The following ZNF816 variants were observed in gnomAD, a reference collection of about 807,000 sequenced individuals.
The protein encoded by ZNF816 is zinc finger protein 816A.
ZNF816 carries 11 observed loss-of-function variants against 8.3 expected under a neutral mutation model. The observed-to-expected ratio is 1.32, with a 90% CI of 0.83 to 2.19. The LOEUF is 2.19. Among genes scored for constraint, ZNF816 ranks in the 30% most tolerant of loss-of-function variants. The pLI, the probability that ZNF816 is intolerant of heterozygous loss-of-function variation, is 0.00. For synonymous variants in ZNF816, 255 were observed against 254.5 expected (o/e 1.00, Z -0.02); for missense variants, 710 against 779.3 (o/e 0.91, Z 1.06).
At chr19:52,953,489 T>C (rs1477106450) in intron 2 of ZNF816, 1 of 123,996 alleles carries the variant, frequency 8.1e-6, no homozygotes, top group Non-Finnish European at 1.6e-5. Context: ...ATATATAATA[T>C]ATATTTTAAT....
At chr19:52,959,625 A>C (rs1427819490) in intron 1 of ZNF816, among the ~76,000 whole-genome samples, 1 of 152,232 alleles carries the variant, frequency 6.6e-6, no homozygotes, top group Non-Finnish European at 1.5e-5. Context: ...GGTAAGACTG[A>C]AAATATTTAC....
At position 52,951,034 on chromosome 19, in the gene ZNF816, G is replaced by A. The variant is rs779969115; in HGVS notation, c.741C>T (p.His247=). 3.7e-6 allele frequency: 6 copies of A among 1,613,914 alleles called. No homozygotes were observed. Among genetic ancestry groups the A allele is most frequent in the Admixed American group, 1.7e-5 (1 of 60,006 alleles). The change falls in exon 4 of 4, where the codon CAC becomes CAT. Residue 247 remains histidine, a synonymous_variant. Transcript: ENST00000444460. Reference sequence around the variant, plus strand: ...CTCTCTCTCTTGAATGGGTTATGTGGTGTCTCCTTAAGAGTGAGCTATAAT... The same window carrying A: ...CTCTCTCTCTTGAATGGGTTATGTGATGTCTCCTTAAGAGTGAGCTATAAT... The part of the protein sequence containing the change: ...AFNYSSLLRR[H]HITHSREREY...
At position 52,962,819 on chromosome 19, in the gene ZNF816, C is replaced by G. The variant is rs1436866999; in HGVS notation, c.-108G>C. On this transcript the variant is annotated 5_prime_UTR_variant, in exon 1 of 4. Transcript: ENST00000444460. ...ACGTCCCCTATATAGCAGCACCAGA[C>G]AACTAGGAAACGCACACGCCGCCGT... is the stretch of plus-strand genomic sequence containing the variant. The G allele has an allele frequency of 6.5e-6, 1 of 152,816 alleles. No individual in the cohort carries two copies. Among genetic ancestry groups the G allele is most frequent in the Non-Finnish European group, 1.5e-5 (1 of 68,566 alleles). The allele number at this position is 152,816 out of a possible 1,614,324, so 9.5% of individuals were successfully genotyped here.
Position 52,950,157 on chromosome 19 carries a change from T to C in ZNF816, c.1618A>G (p.Lys540Glu), listed in dbSNP as rs752748495. The C allele has an allele frequency of 3.7e-6, 6 of 1,614,080 alleles. No individual in the cohort carries two copies. In the South Asian group the frequency reaches 6.6e-5, roughly 18 times the overall value. The change falls in exon 4 of 4, where the codon AAG (lysine) becomes GAG (glutamate). Residue 540 changes from lysine to glutamate, a missense_variant. Physicochemically the swap from Lys to Glu is moderately conservative, Grantham distance 56. Coordinates refer to ENST00000444460, the MANE Select transcript of ZNF816 (RefSeq NM_001202457.3). ...CTCCGGAAAGCCTTGTCACAAACCTTACATTTGTATGGTTTTTCCCCAGTA... is the reference window on the plus strand; with the variant it reads ...CTCCGGAAAGCCTTGTCACAAACCTCACATTTGTATGGTTTTTCCCCAGTA... Reference protein sequence around the residue: ...IHTGEKPYKCKVCDKAFRSDS... With the variant: ...IHTGEKPYKCEVCDKAFRSDS...
chr19:52,955,893 T>C, intron 2 of ZNF816, 134 bp downstream of exon 2: 1 of 1,185,136 alleles, frequency 8.4e-7, no homozygotes, highest in Non-Finnish European at 1.2e-6. Context: ...TGAGAGGGAC[T>C]GAGAAAAGAC....
In ZNF816 at chr19:52,956,046, G is replaced by C; in HGVS notation, c.44C>G (p.Pro15Arg). Residue 15 changes from proline to arginine, a missense_variant, in exon 2 of 4, where the codon CCA becomes CGA. Physicochemically the swap from Pro to Arg is moderately radical, Grantham distance 103 (BLOSUM62 -2). Coordinates refer to ENST00000444460, the MANE Select transcript of ZNF816 (RefSeq NM_001202457.3). ...ACTTACCTGAGGAAGAGCCATCCCTGGCTCCTTTTCTTTGCTCTTCTTGGT... is the reference window on the plus strand; with the variant it reads ...ACTTACCTGAGGAAGAGCCATCCCTCGCTCCTTTTCTTTGCTCTTCTTGGT... Reference protein sequence around the residue: ...EATKKSKEKEPGMALPQGRLT... With the variant: ...EATKKSKEKERGMALPQGRLT... 1 of 1,611,410 alleles carries C rather than the reference G, an allele frequency of 6.2e-7. No individual in the cohort carries two copies. Among genetic ancestry groups the C allele is most frequent in the Non-Finnish European group, 8.5e-7 (1 of 1,179,288 alleles).
In ZNF816 at chr19:52,949,751, T is replaced by C. The variant is rs1012363878; in HGVS notation, c.*68A>G. On this transcript the variant is annotated 3_prime_UTR_variant, in exon 4 of 4. Coordinates refer to ENST00000444460, the MANE Select transcript of ZNF816 (RefSeq NM_001202457.3). ...GCCACATTTATTACACTTGTAGATC[T>C]CTCTTCAATATGGATTCTGTAATGA... is the stretch of plus-strand genomic sequence containing the variant. 1.2e-5 allele frequency: 19 copies of C among 1,608,810 alleles called. No homozygotes were observed. Among genetic ancestry groups the C allele is most frequent in the Non-Finnish European group, 1.6e-5 (19 of 1,176,616 alleles).
Position 52,951,222 on chromosome 19 carries a change from C to CATT in ZNF816, c.552_553insAAT (p.Ile184_Gly185insAsn). ...TGGGATTCTGAAGCTGAGGAAGCAC[C>CATT]GATAGACTTGTCCAATTGGTTACTA... is the stretch of plus-strand genomic sequence containing the variant. On this transcript the variant is annotated inframe_insertion, in exon 4 of 4. Coordinates refer to ENST00000444460, the MANE Select transcript of ZNF816 (RefSeq NM_001202457.3). 1 of 1,613,690 alleles carries CATT rather than the reference C, an allele frequency of 6.2e-7. No individual in the cohort carries two copies. Among genetic ancestry groups the CATT allele is most frequent in the Non-Finnish European group, 8.5e-7 (1 of 1,179,942 alleles).
At chr19:52,962,227 T>A (rs1454895480) in intron 1 of ZNF816, among the ~76,000 whole-genome samples, 3 of 152,002 alleles carry the variant, frequency 2.0e-5, no homozygotes, top group Non-Finnish European at 4.4e-5. Context: ...GCTATACTAG[T>A]CTGTAGGCAC....
rs746147660 is a variant in ZNF816, at chr19:52,951,508, C to T, written c.267G>A (p.Thr89=). ...SITGEVIHTG[T]LQRHKSHHIG... is the part of the protein sequence containing the mutation. ...TGTGATGACTTTTATGTCTTTGCAA[C>T]GTCCCTGTGTGGATCACTTCTCCTG... Residue 89 remains threonine (T), a synonymous_variant, in exon 4 of 4, where the codon ACG becomes ACA. Transcript: ENST00000444460. 3.6e-5 allele frequency: 58 copies of T among 1,612,530 alleles called. No homozygotes were observed. Among genetic ancestry groups the T allele is most frequent in the Admixed American group, 6.7e-5 (4 of 59,928 alleles).
rs1288998946 is a variant in ZNF816 at position 52,957,316 on chromosome 19, T to G, written c.-15-1212A>C. On this transcript the variant is annotated intron_variant, in intron 1 of 3. Transcript: ENST00000444460. The surrounding 1 kb of genome is among the most constrained non-coding windows in gnomAD (Gnocchi z 4.6). ...TCCCTGCTGGGTACTCCAGCCAGCTTGGGCGACATGGATTCTGAGAGTGCT... is the reference window on the plus strand; with the variant it reads ...TCCCTGCTGGGTACTCCAGCCAGCTGGGGCGACATGGATTCTGAGAGTGCT... Among the ~76,000 whole-genome samples, 1 of 152,182 alleles carries G rather than the reference T, an allele frequency of 6.6e-6. No individual in the cohort carries two copies. Among genetic ancestry groups the G allele is most frequent in the Non-Finnish European group, 1.5e-5 (1 of 68,028 alleles).
Position 52,960,630 on chromosome 19 carries a change from C to T in ZNF816, c.-16+2097G>A, listed in dbSNP as rs137987689. ...AGGTAAATGAGAGATGCCCCATTAG[C>T]TTATTCTCCCCAGTTCACTCTTTCT... On this transcript the variant is annotated intron_variant, in intron 1 of 3. Transcript: ENST00000444460. Among the ~76,000 whole-genome samples the T allele has an allele frequency of 3.0e-3, 463 of 152,304 alleles. 5 individuals carry two copies. The highest frequency in any genetic ancestry group is 0.011 in the African/African-American group (452 of 41,570).
At chr19:52,956,497 T>C (rs1165068672) in intron 1 of ZNF816, among the ~76,000 whole-genome samples, 4 of 152,192 alleles carry the variant, frequency 2.6e-5, no homozygotes, top group African/African-American at 2.4e-5. Context: ...ACCAGTGCCA[T>C]TGTAAGTATT....
chr19:52,949,739 C>A lies in ZNF816; in HGVS notation c.*80G>T. The A allele has an allele frequency of 1.2e-6, 2 of 1,603,432 alleles. No individual in the cohort carries two copies. The highest frequency in any genetic ancestry group is 2.2e-5 in the East Asian group (1 of 44,796). On this transcript the variant is annotated 3_prime_UTR_variant, in exon 4 of 4. Transcript: ENST00000444460. ...TCTGAAAAATTTGCCACATTTATTA[C>A]ACTTGTAGATCTCTCTTCAATATGG...
At chr19:52,961,617 A>G (rs537181667) in intron 1 of ZNF816, among the ~76,000 whole-genome samples, 1 of 152,218 alleles carries the variant, frequency 6.6e-6, no homozygotes, top group African/African-American at 2.4e-5. Flanking sequence ...CTGACGGTCA[A>G]TAGGACAAGG....
intron 2 of ZNF816, among the ~76,000 whole-genome samples, chr19:52,953,939 G>A (rs2122153077): frequency 6.9e-6 from 1 of 145,694 alleles, no homozygotes; most frequent in Admixed American, 7.1e-5. Context: ...TATTCAGGAA[G>A]CTGAAACAGG....
chr19:52,950,778 TACG>T lies in ZNF816; in HGVS notation c.994_996del (p.Arg333del). 6.2e-7 allele frequency: 1 copy of T among 1,613,508 alleles called. No individual in the cohort carries two copies. Among genetic ancestry groups the T allele is most frequent in the African/African-American group, 1.3e-5 (1 of 74,526 alleles). On this transcript the variant is annotated inframe_deletion, in exon 4 of 4. Transcript: ENST00000444460. ...TAAGGTTTCTCTCCAGTATGAAGTC[TACG>T]ATGGCATCTAAGGGATGACTTCTCA...
At chr19:52,956,238 C>A in intron 1 of ZNF816, 134 bp from the exon 2 acceptor site, 1 of 991,232 alleles carries the variant, frequency 1.0e-6, no homozygotes, top group Non-Finnish European at 1.5e-6. Flanking sequence ...AGAGACCATG[C>A]AGAGATAAGA....
chr19:52,952,601 A>T (rs755511200), intron 3 of ZNF816, 150 bp downstream of exon 3: 3 of 1,450,394 alleles, frequency 2.1e-6, no homozygotes, highest in Non-Finnish European at 2.8e-6. Flanking sequence ...GAAGCTGTCC[A>T]TGACAGATAG....
Sources: gnomAD v4.1 joint callset for allele counts (sites outside exome capture counted in the v4.1 genomes callset) on GRCh38, gnomAD v4.1.1 for gene constraint, Gnocchi (gnomAD v3.1) non-coding constraint, MANE v1.5 for transcripts, NCBI Gene and HGNC (gene_info 2026-07-23, HGNC 2026-07-21) for gene names.